Variants in LYPD1 observed in about 807,000 individuals in gnomAD.
The protein encoded by LYPD1 is LY6/PLAUR domain containing 1.
In LYPD1, 14 loss-of-function variants were observed where a neutral mutation model predicts 14.2. The observed-to-expected ratio is 0.99, with a 90% CI of 0.65 to 1.54. The LOEUF (loss-of-function observed/expected upper bound fraction) is 1.54, where lower values mean the gene tolerates loss of function less well. Ranked by LOEUF, LYPD1 falls within the 40% of genes most tolerant of loss-of-function variation. The pLI is 0.00. For missense variants in LYPD1, 165 were observed against 175.7 expected, an observed-to-expected ratio of 0.94 and a Z score of 0.34; for synonymous variants, 85 against 70.6, an observed-to-expected ratio of 1.20 and a Z score of -1.02.
At position 132,645,447 on chromosome 2, in the gene LYPD1, T is replaced by C. The variant is rs374977634; in HGVS notation, c.*598A>G. 7.4e-6 allele frequency: 12 copies of C among 1,613,710 alleles called. No homozygotes were observed. In the African/African-American group the frequency reaches 1.2e-4, roughly 16 times the overall value. ...TCTTCGCGTCCCGGCGCCAGTCCTC[T>C]GCAAGGAGAACTGAGAAGATTTTCT... On this transcript the variant is annotated 3_prime_UTR_variant, in exon 3 of 3. Coordinates refer to ENST00000397463, the MANE Select transcript of LYPD1 (RefSeq NM_144586.7).
At position 132,667,868 on chromosome 2, in the gene LYPD1, C is replaced by T. The variant is rs141624657; in HGVS notation, c.190+532G>A. 1.5e-4 allele frequency among the ~76,000 whole-genome samples: 23 copies of T among 152,294 alleles called. No homozygotes were observed. The East Asian group carries it at 1.5e-3, about 10-fold the overall frequency. On this transcript the variant is annotated intron_variant, in intron 2 of 2. Coordinates refer to ENST00000397463, the MANE Select transcript of LYPD1 (RefSeq NM_144586.7). ...GCAGCTAAGCTGGTAGGGCTGAGAA[C>T]GGCATTCCTTTGAAAGATCTTGGCA...
intron 2 of LYPD1, among the ~76,000 whole-genome samples, chr2:132,665,931 T>C (rs1373606556): frequency 6.6e-6 from 1 of 152,174 alleles, no homozygotes. Context: ...GGACAACATA[T>C]GTTATTGATC....
In LYPD1 at chr2:132,645,857, T is replaced by G; in HGVS notation, c.*188A>C. ...CTTCAAGTACATACTGAAAATTCAGTCAGGCTGAATTTATTCAGAATGCTT... is the reference window on the plus strand; with the variant it reads ...CTTCAAGTACATACTGAAAATTCAGGCAGGCTGAATTTATTCAGAATGCTT... On this transcript the variant is annotated 3_prime_UTR_variant, in exon 3 of 3. Coordinates refer to ENST00000397463, the MANE Select transcript of LYPD1 (RefSeq NM_144586.7). The G allele has an allele frequency of 4.5e-6, 3 of 665,956 alleles. No individual in the cohort carries two copies. The highest frequency in any genetic ancestry group is 5.0e-6 in the Non-Finnish European group (2 of 403,370). 41.3% of individuals were successfully genotyped at this position (665,956 alleles called of 1,614,324 possible).
chr2:132,646,339 C>A lies in LYPD1; in HGVS notation c.191-59G>T, dbSNP rs145473865. ...TGCACCGGCAAAAGAATAGCTGTCCCTCTCAGCCCAAATCCAAACGGACAG... is the reference window on the plus strand; with the variant it reads ...TGCACCGGCAAAAGAATAGCTGTCCATCTCAGCCCAAATCCAAACGGACAG... On this transcript the variant is annotated intron_variant, in intron 2 of 2. Transcript: ENST00000397463. The A allele has an allele frequency of 9.8e-4, 1,191 of 1,216,224 alleles. 8 individuals carry two copies. In the African/African-American group the frequency reaches 0.016, roughly 16 times the overall value. 75.3% of individuals were successfully genotyped at this position (1,216,224 alleles called of 1,614,324 possible).
chr2:132,664,664 T>G (rs1259877569), intron 2 of LYPD1, among the ~76,000 whole-genome samples: 2 of 152,242 alleles, frequency 1.3e-5, no homozygotes, highest in South Asian at 4.1e-4. Context: ...TTTTGCTCAC[T>G]GACAGAGCTA....
intron 2 of LYPD1, among the ~76,000 whole-genome samples, chr2:132,650,728 CA>C (rs989216177): frequency 1.1e-3 from 160 of 143,396 alleles, no homozygotes; most frequent in Middle Eastern, 7.0e-3. Flanking sequence ...AAAAAAAAAA[CA>C]AAAAACAAAA....
chr2:132,656,934 A>G (rs1049121531), intron 2 of LYPD1, among the ~76,000 whole-genome samples: 2 of 152,212 alleles, frequency 1.3e-5, no homozygotes, highest in Non-Finnish European at 2.9e-5. Flanking sequence ...AATAATATTA[A>G]GGGGCTGCAA....
chr2:132,644,839 C>T lies in LYPD1; in HGVS notation c.*1206G>A, dbSNP rs1442126439. 1 of 438,992 alleles carries T rather than the reference C, an allele frequency of 2.3e-6. No individual in the cohort carries two copies. Among genetic ancestry groups the T allele is most frequent in the Non-Finnish European group, 4.0e-6 (1 of 250,310 alleles). The allele number at this position is 438,992 out of a possible 1,614,324, so 27.2% of individuals were successfully genotyped here. Reference sequence around the variant, plus strand: ...ACATTTTTTTAAAATTAACAGACATCAACTGGTATAAATACACTGTCTAAA... The same window carrying T: ...ACATTTTTTTAAAATTAACAGACATTAACTGGTATAAATACACTGTCTAAA... On this transcript the variant is annotated 3_prime_UTR_variant, in exon 3 of 3. Coordinates refer to ENST00000397463, the MANE Select transcript of LYPD1 (RefSeq NM_144586.7).
intron 2 of LYPD1, among the ~76,000 whole-genome samples, chr2:132,658,044 T>G (rs1430630): frequency 0.66 from 100,554 of 152,042 alleles, 34,535 homozygotes; most frequent in African/African-American, 0.86. Context: ...CTTTGGAAAC[T>G]CTTTTGCGTT....
chr2:132,652,681 G>T (rs141592479), intron 2 of LYPD1, among the ~76,000 whole-genome samples: 4 of 152,268 alleles, frequency 2.6e-5, no homozygotes, highest in Non-Finnish European at 5.9e-5. Flanking sequence ...CCGCAGACCA[G>T]GAGTGTGCCC....
At chr2:132,646,753 A>ACAGAC (rs1553462652) in intron 2 of LYPD1, among the ~76,000 whole-genome samples, 1 of 152,220 alleles carries the variant, frequency 6.6e-6, no homozygotes, top group East Asian at 1.9e-4. Flanking sequence ...TTCTTTGAAG[A>ACAGAC]CAGACCAAAT....
chr2:132,666,844 AAT>A, intron 2 of LYPD1: 1 of 152,230 alleles, frequency 6.6e-6, no homozygotes, highest in Admixed American at 6.5e-5. Flanking sequence ...CAGGTGATAA[AAT>A]ATGACACCCA....
Position 132,669,745 on chromosome 2 carries a change from G to T in LYPD1, c.52+136C>A. The T allele has an allele frequency of 6.9e-7, 1 of 1,450,818 alleles. No homozygotes were observed. The highest frequency in any genetic ancestry group is 9.0e-7 in the Non-Finnish European group (1 of 1,106,076). 89.9% of individuals were successfully genotyped at this position (1,450,818 alleles called of 1,614,324 possible). ...CCCAGCCTCGCGCCCCGGGGCACCAGTCGCGGCCGCCAACTCCCGCTGGGC... is the reference window on the plus strand; with the variant it reads ...CCCAGCCTCGCGCCCCGGGGCACCATTCGCGGCCGCCAACTCCCGCTGGGC... On this transcript the variant is annotated intron_variant, in intron 1 of 2. Coordinates refer to ENST00000397463, the MANE Select transcript of LYPD1 (RefSeq NM_144586.7). This position sits in a 1 kb window ranked among gnomAD's most constrained non-coding sequence, Gnocchi z 4.3.
chr2:132,654,856 T>G (rs1173933863), intron 2 of LYPD1, among the ~76,000 whole-genome samples: 1 of 151,910 alleles, frequency 6.6e-6, no homozygotes, highest in Non-Finnish European at 1.5e-5. Context: ...TCAAGTGATT[T>G]TCCTGCCTCA....
intron 2 of LYPD1, among the ~76,000 whole-genome samples, chr2:132,649,595 G>T: frequency 6.6e-6 from 1 of 152,232 alleles, no homozygotes. Context: ...TAAGAAAATG[G>T]CCCTGAGGTT....
intron 2 of LYPD1, 49 bp downstream of exon 2, chr2:132,668,351 C>T: frequency 6.5e-7 from 1 of 1,546,514 alleles, no homozygotes; most frequent in Non-Finnish European, 8.7e-7. Flanking sequence ...CTCACTCCCA[C>T]CCCACAGCCC....
At chr2:132,666,038 A>G (rs1240203680) in intron 2 of LYPD1, among the ~76,000 whole-genome samples, 1 of 152,240 alleles carries the variant, frequency 6.6e-6, no homozygotes, top group Admixed American at 6.5e-5. Flanking sequence ...ATAGAATTAC[A>G]TGCTGACTGG....
intron 2 of LYPD1, among the ~76,000 whole-genome samples, chr2:132,667,763 T>C (rs1300265460): frequency 1.3e-5 from 2 of 152,100 alleles, no homozygotes; most frequent in African/African-American, 2.4e-5. Flanking sequence ...AGATTCTTGG[T>C]CAACTAGAGG....
At chr2:132,656,636 C>T (rs1049088436) in intron 2 of LYPD1, among the ~76,000 whole-genome samples, 8 of 152,288 alleles carry the variant, frequency 5.3e-5, no homozygotes, top group Non-Finnish European at 8.8e-5. Flanking sequence ...ATTGCCGCCA[C>T]GATGGGCACC....
Sources: gnomAD v4.1 joint callset for allele counts (sites outside exome capture counted in the v4.1 genomes callset) on GRCh38, gnomAD v4.1.1 for gene constraint, Gnocchi (gnomAD v3.1) non-coding constraint, MANE v1.5 for transcripts, NCBI Gene and HGNC (gene_info 2026-07-23, HGNC 2026-07-21) for gene names.